TCAIM: variants seen among roughly 807,000 people sequenced by gnomAD.
The protein encoded by TCAIM is T cell activation inhibitor, mitochondrial.
Under a neutral mutation model 58.6 loss-of-function variants are expected in TCAIM, and 36 were observed. The ratio of observed to expected loss-of-function variants is 0.61; its 90% CI spans 0.47 to 0.81. The LOEUF is 0.81. TCAIM is among the 30% of genes least tolerant of loss of function. TCAIM has a pLI of 0.00. For synonymous variants in TCAIM, 172 were observed against 193.6 expected, an observed-to-expected ratio of 0.89 and a Z score of 0.93; for missense variants, 466 against 579.6, an observed-to-expected ratio of 0.80 and a Z score of 2.01.
intron 1 of TCAIM, among the ~76,000 whole-genome samples, chr3:44,347,208 G>A (rs1023217392): frequency 2.6e-5 from 4 of 152,240 alleles, no homozygotes; most frequent in East Asian, 3.9e-4. Flanking sequence ...TTTGGAGGAC[G>A]ACACGAGATA....
chr3:44,355,395 G>T (rs1559562547), intron 2 of TCAIM, among the ~76,000 whole-genome samples: 4 of 152,320 alleles, frequency 2.6e-5, no homozygotes, highest in Admixed American at 2.6e-4. Flanking sequence ...GGGAAACCAT[G>T]AAAGAGGGTT....
At chr3:44,401,172 G>A (rs766625415) in intron 9 of TCAIM, 31 bp from the exon 10 acceptor site, 4 of 1,609,466 alleles carry the variant, frequency 2.5e-6, no homozygotes, top group Non-Finnish European at 3.4e-6. Context: ...GAGGGTCAGT[G>A]GTTTTTCCTT....
intron 2 of TCAIM, among the ~76,000 whole-genome samples, chr3:44,356,753 G>A (rs1004405716): frequency 3.3e-5 from 5 of 150,680 alleles, no homozygotes; most frequent in Non-Finnish European, 5.9e-5. Flanking sequence ...ATTACCTGAG[G>A]TCAGGAGTTT....
At chr3:44,381,598 A>C (rs1157732292) in intron 5 of TCAIM, among the ~76,000 whole-genome samples, 1 of 152,148 alleles carries the variant, frequency 6.6e-6, no homozygotes, top group African/African-American at 2.4e-5. Flanking sequence ...TACTTTCACC[A>C]CTTCTATTCA....
At position 44,407,946 on chromosome 3, in the gene TCAIM, G is replaced by A; in HGVS notation, c.*264G>A. 3.6e-6 allele frequency: 1 copy of A among 276,038 alleles called. No homozygotes were observed. 17.1% of individuals were successfully genotyped at this position (276,038 alleles called of 1,614,324 possible). Reference sequence around the variant, plus strand: ...GAGCCCAGGAGGCCAAGGTTGCAGTGGGCCCAGATTGCACCATTGCCCTCC... The same window carrying A: ...GAGCCCAGGAGGCCAAGGTTGCAGTAGGCCCAGATTGCACCATTGCCCTCC... On this transcript the variant is annotated 3_prime_UTR_variant, in exon 11 of 11. Coordinates refer to ENST00000342649, the MANE Select transcript of TCAIM (RefSeq NM_173826.4).
At chr3:44,357,375 T>C (rs1001819479) in intron 2 of TCAIM, among the ~76,000 whole-genome samples, 1 of 59,576 alleles carries the variant, frequency 1.7e-5, no homozygotes, top group Admixed American at 2.4e-4. Context: ...GAGATAGATA[T>C]AGACAGATAT....
intron 3 of TCAIM, chr3:44,359,112 G>A (rs1701253263): frequency 1.2e-5 from 12 of 979,608 alleles, no homozygotes; most frequent in Non-Finnish European, 1.5e-5. Flanking sequence ...ATGCAGCAGG[G>A]CATGGTGGCA....
chr3:44,353,535 C>G (rs1329339928), intron 1 of TCAIM, among the ~76,000 whole-genome samples: 2 of 152,192 alleles, frequency 1.3e-5, no homozygotes, highest in South Asian at 2.1e-4. Flanking sequence ...TGTTTGCATT[C>G]TCCCTTCCCA....
intron 5 of TCAIM, among the ~76,000 whole-genome samples, chr3:44,374,398 G>A (rs1412878423): frequency 6.6e-6 from 1 of 151,680 alleles, no homozygotes; most frequent in Non-Finnish European, 1.5e-5. Flanking sequence ...ATACAGGTGT[G>A]TGTGTATATG....
intron 5 of TCAIM, among the ~76,000 whole-genome samples, chr3:44,385,220 A>G (rs957048045): frequency 2.0e-5 from 3 of 152,242 alleles, no homozygotes; most frequent in Non-Finnish European, 2.9e-5. Flanking sequence ...GTAAGTAGAA[A>G]ATAAATTACA....
At chr3:44,374,316 T>C (rs1271944851) in intron 5 of TCAIM, among the ~76,000 whole-genome samples, 1 of 151,646 alleles carries the variant, frequency 6.6e-6, no homozygotes, top group Non-Finnish European at 1.5e-5. Context: ...TAACTATATA[T>C]TGTGAATGCA....
At chr3:44,350,852 C>CT (rs1474687183) in intron 1 of TCAIM, among the ~76,000 whole-genome samples, 1 of 152,052 alleles carries the variant, frequency 6.6e-6, no homozygotes, top group African/African-American at 2.4e-5. Flanking sequence ...TTTTTCTAGT[C>CT]TTTTTTTCTT....
At chr3:44,369,792 T>G (rs1701435692) in intron 5 of TCAIM, among the ~76,000 whole-genome samples, 1 of 152,252 alleles carries the variant, frequency 6.6e-6, no homozygotes, top group African/African-American at 2.4e-5. Flanking sequence ...ACTTCATAGA[T>G]TCATAGAATC....
chr3:44,387,297 T>C (rs1701758883), intron 5 of TCAIM, among the ~76,000 whole-genome samples: 1 of 152,228 alleles, frequency 6.6e-6, no homozygotes, highest in African/African-American at 2.4e-5. Flanking sequence ...TCCGACTTGC[T>C]CACCCTCCAG....
At chr3:44,361,321 C>A in intron 3 of TCAIM, 44 bp from the exon 4 acceptor site, 1 of 1,489,502 alleles carries the variant, frequency 6.7e-7, no homozygotes, top group Non-Finnish European at 9.1e-7. Context: ...CTGATATTTC[C>A]TTGTTCTATT....
At chr3:44,388,557 C>A (rs1041401835) in intron 5 of TCAIM, among the ~76,000 whole-genome samples, 1 of 152,110 alleles carries the variant, frequency 6.6e-6, no homozygotes, top group Non-Finnish European at 1.5e-5. Context: ...TAATTTCTTC[C>A]AGGAAGTTAT....
chr3:44,408,233 A>G lies in TCAIM; in HGVS notation c.*551A>G, dbSNP rs775384469. 3 of 152,272 alleles carry G rather than the reference A, an allele frequency of 2.0e-5. No homozygotes were observed. The highest frequency in any genetic ancestry group is 6.5e-5 in the Admixed American group (1 of 15,282). The allele number at this position is 152,272 out of a possible 1,614,324, so 9.4% of individuals were successfully genotyped here. A position where few individuals can be genotyped will look rare whatever the true frequency, so the allele number is the denominator to read the frequency against. ...GTAAATATAAAGGTCTCACATTCAGAGTATAGCTCTGAAATAATGGAACTC... is the reference window on the plus strand; with the variant it reads ...GTAAATATAAAGGTCTCACATTCAGGGTATAGCTCTGAAATAATGGAACTC... On this transcript the variant is annotated 3_prime_UTR_variant, in exon 11 of 11. Transcript: ENST00000342649.
intron 5 of TCAIM, among the ~76,000 whole-genome samples, chr3:44,372,332 A>G (rs1281565109): frequency 6.6e-6 from 1 of 152,174 alleles, no homozygotes; most frequent in Non-Finnish European, 1.5e-5. Context: ...GTGACTGCCT[A>G]GTAGAGAGAT....
chr3:44,372,559 C>A (rs1200257486), intron 5 of TCAIM, among the ~76,000 whole-genome samples: 1 of 151,084 alleles, frequency 6.6e-6, no homozygotes, highest in Non-Finnish European at 1.5e-5. Context: ...TCTTGATTTA[C>A]AAATTACATT....
Sources: allele counts gnomAD v4.1 joint callset (sites outside exome capture counted in the v4.1 genomes callset), GRCh38; gene constraint gnomAD v4.1.1; transcripts MANE v1.5; gene names NCBI Gene and HGNC (gene_info 2026-07-23, HGNC 2026-07-21).